Variants in TMEM132D observed in about 807,000 individuals in gnomAD.
TMEM132D encodes the protein mature OL transmembrane protein.
In TMEM132D, 21 loss-of-function variants were observed where a neutral mutation model predicts 62.3. The ratio of observed to expected loss-of-function variants is 0.34; its 90% confidence interval spans 0.24 to 0.49. The LOEUF (loss-of-function observed/expected upper bound fraction) is 0.49, where lower values mean the gene tolerates loss of function less well. Ranked by LOEUF, TMEM132D falls within the 20% of genes least tolerant of loss-of-function variation. The pLI is 0.99. For missense variants in TMEM132D, 1,346 were observed against 1,402.8 expected, an observed-to-expected ratio of 0.96 and a Z score of 0.65; for synonymous variants, 621 against 575.6, an observed-to-expected ratio of 1.08 and a Z score of -1.13.
chr12:129,296,592 T>A (rs1039882371), intron 4 of TMEM132D, among the ~76,000 whole-genome samples: 1 of 152,236 alleles, frequency 6.6e-6, no homozygotes, highest in African/African-American at 2.4e-5. Context: ...GCTGTAATTC[T>A]GTTTTCCTGA....
intron 4 of TMEM132D, among the ~76,000 whole-genome samples, chr12:129,255,003 C>T (rs1880363731): frequency 6.6e-6 from 1 of 152,146 alleles, no homozygotes; most frequent in Non-Finnish European, 1.5e-5. Flanking sequence ...AACGGTTTAG[C>T]ACTGTCCCTT....
intron 5 of TMEM132D, among the ~76,000 whole-genome samples, chr12:129,099,476 T>C (rs1249257698): frequency 6.6e-6 from 1 of 152,180 alleles, no homozygotes; most frequent in Non-Finnish European, 1.5e-5. Context: ...CCACCTATGC[T>C]CCTGGAACAC....
In TMEM132D at chr12:129,779,338, G is replaced by A. The variant is rs1207663589; in HGVS notation, c.80-78640C>T. On this transcript the variant is annotated intron_variant, in intron 1 of 8. Coordinates refer to ENST00000422113, the MANE Select transcript of TMEM132D (RefSeq NM_133448.3). This position sits in a 1 kb window ranked among gnomAD's most constrained non-coding sequence, Gnocchi z 4.1. ...GGGTCTCACTTTGTCGCCCAGGCTG[G>A]AGAGCAGTGGTGTTATCTCTGCTCA... Among the ~76,000 whole-genome samples, 1 of 152,168 alleles carries A rather than the reference G, an allele frequency of 6.6e-6. No individual in the cohort carries two copies. The highest frequency in any genetic ancestry group is 1.5e-5 in the Non-Finnish European group (1 of 68,032).
At chr12:129,210,737 G>A (rs1879017097) in intron 4 of TMEM132D, among the ~76,000 whole-genome samples, 2 of 152,190 alleles carry the variant, frequency 1.3e-5, no homozygotes, top group African/African-American at 2.4e-5. Context: ...AACGAATGGT[G>A]TTAATGTTTG....
intron 3 of TMEM132D, among the ~76,000 whole-genome samples, chr12:129,447,216 A>AT (rs1049327542): frequency 1.6e-4 from 25 of 152,058 alleles, no homozygotes; most frequent in African/African-American, 4.8e-4. Flanking sequence ...ACTTTATCCA[A>AT]TTTTTTTTAC....
intron 3 of TMEM132D, among the ~76,000 whole-genome samples, chr12:129,428,033 G>T (rs78987674): frequency 0.01 from 1,585 of 152,086 alleles, 23 homozygotes; most frequent in African/African-American, 0.036. Context: ...AATAATGAAT[G>T]ATTCCACCTA....
At chr12:129,304,223 C>T (rs1171273325) in intron 4 of TMEM132D, among the ~76,000 whole-genome samples, 1 of 152,202 alleles carries the variant, frequency 6.6e-6, no homozygotes, top group Non-Finnish European at 1.5e-5. Context: ...AATGTCAGCT[C>T]CTTGCCTGAC....
chr12:129,690,132 A>G (rs1881028053), intron 2 of TMEM132D, among the ~76,000 whole-genome samples: 1 of 152,212 alleles, frequency 6.6e-6, no homozygotes, highest in South Asian at 2.1e-4. Flanking sequence ...CATGGGAAGT[A>G]TTACAGTGCT....
intron 5 of TMEM132D, among the ~76,000 whole-genome samples, chr12:129,147,274 A>G (rs1401918396): frequency 6.7e-6 from 1 of 150,106 alleles, no homozygotes; most frequent in Admixed American, 6.7e-5. Context: ...GTGCATATGT[A>G]TATATATACA....
chr12:129,283,696 C>T (rs929879420), intron 4 of TMEM132D, among the ~76,000 whole-genome samples: 14 of 152,192 alleles, frequency 9.2e-5, no homozygotes, highest in Non-Finnish European at 1.8e-4. Context: ...GGGAGCAGGG[C>T]TCCTATACTC....
intron 5 of TMEM132D, among the ~76,000 whole-genome samples, chr12:129,140,206 C>T (rs1035272888): frequency 6.0e-5 from 7 of 117,452 alleles, no homozygotes; most frequent in Non-Finnish European, 1.0e-4. Context: ...AGATTTTAGG[C>T]GCTGTTACCA....
chr12:129,324,437 ATTAC>A (rs1868830619), intron 4 of TMEM132D, among the ~76,000 whole-genome samples: 1 of 152,208 alleles, frequency 6.6e-6, no homozygotes, highest in Admixed American at 6.5e-5. Context: ...CACAGCTATT[ATTAC>A]TTACTATGTA....
intron 4 of TMEM132D, among the ~76,000 whole-genome samples, chr12:129,285,881 G>C (rs1203886097): frequency 2.0e-5 from 3 of 152,116 alleles, no homozygotes; most frequent in African/African-American, 7.2e-5. Context: ...TGTCAGAGAT[G>C]AGTCTTCCAA....
intron 1 of TMEM132D, among the ~76,000 whole-genome samples, chr12:129,820,451 G>T (rs553039266): frequency 4.2e-4 from 64 of 152,162 alleles, no homozygotes; most frequent in Middle Eastern, 6.8e-3. Flanking sequence ...CTCAGCGTGC[G>T]CATCCCCTCT....
intron 3 of TMEM132D, among the ~76,000 whole-genome samples, chr12:129,388,114 T>C (rs1359514462): frequency 7.6e-6 from 1 of 131,924 alleles, no homozygotes. Context: ...CCAACACCAA[T>C]CCAGCACTGA....
intron 4 of TMEM132D, among the ~76,000 whole-genome samples, chr12:129,302,999 G>A (rs1881760491): frequency 6.6e-6 from 1 of 152,138 alleles, no homozygotes; most frequent in Non-Finnish European, 1.5e-5. Flanking sequence ...AGAAACCAAT[G>A]TCTTCTACTC....
At chr12:129,488,857 C>T (rs1202992904) in intron 3 of TMEM132D, among the ~76,000 whole-genome samples, 1 of 151,608 alleles carries the variant, frequency 6.6e-6, no homozygotes, top group Non-Finnish European at 1.5e-5. Flanking sequence ...AATAAATTCT[C>T]TTCTCCCCAA....
intron 8 of TMEM132D, among the ~76,000 whole-genome samples, chr12:129,077,788 A>G (rs1336104079): frequency 6.7e-6 from 1 of 148,466 alleles, no homozygotes; most frequent in Non-Finnish European, 1.5e-5. Flanking sequence ...ATACATGCAT[A>G]CAGGTGCCTA....
chr12:129,562,981 T>C (rs117045047), intron 2 of TMEM132D, among the ~76,000 whole-genome samples: 769 of 152,340 alleles, frequency 5.0e-3, no homozygotes, highest in Non-Finnish European at 8.1e-3. Context: ...CTGTAATTGA[T>C]ATAAGCAAGG....
Sources: gnomAD v4.1 joint callset for allele counts (sites outside exome capture counted in the v4.1 genomes callset) on GRCh38, gnomAD v4.1.1 for gene constraint, Gnocchi (gnomAD v3.1) non-coding constraint, MANE v1.5 for transcripts, NCBI Gene and HGNC (gene_info 2026-07-23, HGNC 2026-07-21) for gene names.